Variants in PITPNA observed in about 807,000 individuals in gnomAD.
The protein encoded by PITPNA is phosphatidylinositol transfer protein alpha isoform.
PITPNA carries 13 observed loss-of-function variants against 50.3 expected under a neutral mutation model. The observed-to-expected ratio is 0.26, with a 90% CI of 0.17 to 0.41. The LOEUF (loss-of-function observed/expected upper bound fraction) is 0.41. PITPNA is among the 10% of genes least tolerant of loss of function. PITPNA has a pLI of 1.00. For missense variants in PITPNA, 207 were observed against 333.4 expected (o/e 0.62, Z 2.95); for synonymous variants, 120 against 119.6 (o/e 1.00, Z -0.02).
intron 10 of PITPNA, among the ~76,000 whole-genome samples, chr17:1,533,855 C>A (rs190508554): frequency 6.6e-6 from 1 of 152,286 alleles, no homozygotes; most frequent in African/African-American, 2.4e-5. Flanking sequence ...ACTTGGCATT[C>A]GGCACATACT....
At position 1,520,001 on chromosome 17, in the gene PITPNA, C is replaced by A. The variant is rs370975169; in HGVS notation, c.*560G>T. The A allele has an allele frequency of 2.0e-5, 3 of 152,190 alleles. No homozygotes were observed. Among genetic ancestry groups the A allele is most frequent in the East Asian group, 3.8e-4 (2 of 5,198 alleles). 9.4% of individuals were successfully genotyped at this position (152,190 alleles called of 1,614,324 possible). On this transcript the variant is annotated 3_prime_UTR_variant, in exon 12 of 12. Coordinates refer to ENST00000313486, the MANE Select transcript of PITPNA (RefSeq NM_006224.4). ...GCTAGAGTGCCCTAACGATGGGTTA[C>A]TGGGAGCAGAAGTCAGAGCTGCAAA...
Position 1,517,751 on chromosome 17 carries a change from G to C in PITPNA, c.*2810C>G, listed in dbSNP as rs2075472384. 6.6e-6 allele frequency: 1 copy of C among 152,156 alleles called. No individual in the cohort carries two copies. Among genetic ancestry groups the C allele is most frequent in the Non-Finnish European group, 1.5e-5 (1 of 68,040 alleles). The allele number at this position is 152,156 out of a possible 1,614,324, so 9.4% of individuals were successfully genotyped here. Reference sequence around the variant, plus strand: ...AAGAGGAAGATGTGAAGAGGAGGCAGACAAAAGCAAAAGGACATCCTGTCA... The same window carrying C: ...AAGAGGAAGATGTGAAGAGGAGGCACACAAAAGCAAAAGGACATCCTGTCA... On this transcript the variant is annotated 3_prime_UTR_variant, in exon 12 of 12. Coordinates refer to ENST00000313486, the MANE Select transcript of PITPNA (RefSeq NM_006224.4).
intron 4 of PITPNA, among the ~76,000 whole-genome samples, chr17:1,547,018 C>T (rs1191547559): frequency 1.3e-5 from 2 of 152,034 alleles, no homozygotes; most frequent in Admixed American, 6.6e-5. Context: ...AAACAAAACA[C>T]CAGACACCTT....
At position 1,562,531 on chromosome 17, in the gene PITPNA, G is replaced by A. The variant is rs1270663628; in HGVS notation, c.20+10C>T. ...TCCTCCCCGCTTCCGCACGGCCGCC[G>A]GACACTCACTACTCCTTGAGCAGCA... On this transcript the variant is annotated intron_variant, in intron 1 of 11. Transcript: ENST00000313486. This position sits in a 1 kb window ranked among gnomAD's most constrained non-coding sequence, Gnocchi z 6.4. 3.5e-6 allele frequency: 5 copies of A among 1,416,042 alleles called. No homozygotes were observed. The highest frequency in any genetic ancestry group is 3.1e-5 in the East Asian group (1 of 32,188). The allele number at this position is 1,416,042 out of a possible 1,614,324, so 87.7% of individuals were successfully genotyped here. A position where few individuals can be genotyped will look rare whatever the true frequency, so the allele number is the denominator to read the frequency against.
chr17:1,551,121 G>A (rs563095796), intron 3 of PITPNA, among the ~76,000 whole-genome samples: 27 of 151,982 alleles, frequency 1.8e-4, no homozygotes, highest in African/African-American at 6.3e-4. Context: ...GTTGCGGGGC[G>A]GAGTCAGCGG....
Position 1,553,129 on chromosome 17 carries a change from A to G in PITPNA, c.72T>C (p.Tyr24=). The stretch of plus-strand genomic sequence containing the variant: ...CATTTTTACTGGCCTCAGCCACAGA[A>G]TACAGCTGCCCCACTTGATACTAAA... ...SVDEYQVGQL[Y]SVAEASKNET... Residue 24 remains tyrosine (Y), a synonymous_variant, in exon 3 of 12, where the codon TAT becomes TAC. Transcript: ENST00000313486. 1.2e-6 allele frequency: 2 copies of G among 1,613,956 alleles called. No homozygotes were observed. Among genetic ancestry groups the G allele is most frequent in the East Asian group, 4.5e-5 (2 of 44,886 alleles).
chr17:1,535,686 C>T (rs766269328), intron 7 of PITPNA, 168 bp from the exon 8 acceptor site: 17 of 625,340 alleles, frequency 2.7e-5, no homozygotes, highest in Non-Finnish European at 4.0e-5. Context: ...TTACATTAGC[C>T]TCAGAGGAGA....
chr17:1,522,969 G>T (rs139659510), intron 10 of PITPNA, among the ~76,000 whole-genome samples: 13 of 152,322 alleles, frequency 8.5e-5, no homozygotes, highest in African/African-American at 2.9e-4. Flanking sequence ...CAGAGTAACA[G>T]AACTTCCCTT....
chr17:1,521,537 T>A, intron 11 of PITPNA, 42 bp downstream of exon 11: 2 of 1,421,088 alleles, frequency 1.4e-6, no homozygotes, highest in South Asian at 2.3e-5. Flanking sequence ...CCAAACTGAT[T>A]TTAGCGTCTG....
intron 1 of PITPNA, chr17:1,559,816 T>C: frequency 1.0e-6 from 1 of 978,526 alleles, no homozygotes; most frequent in Non-Finnish European, 1.2e-6. Context: ...TCCAAGTCTT[T>C]ACTGCCTGCT....
At chr17:1,545,647 C>G (rs1008369698) in intron 4 of PITPNA, among the ~76,000 whole-genome samples, 1 of 152,148 alleles carries the variant, frequency 6.6e-6, no homozygotes, top group Non-Finnish European at 1.5e-5. Context: ...GGTGCTGATA[C>G]AGAAATTATG....
intron 2 of PITPNA, among the ~76,000 whole-genome samples, chr17:1,553,597 A>G (rs1390387070): frequency 6.6e-6 from 1 of 152,136 alleles, no homozygotes; most frequent in Admixed American, 6.6e-5. Flanking sequence ...ACCACCACGC[A>G]GAAAACAGAT....
chr17:1,535,281 T>C lies in PITPNA; in HGVS notation c.546A>G (p.Val182=). The C allele has an allele frequency of 6.2e-7, 1 of 1,612,708 alleles. No homozygotes were observed. Among genetic ancestry groups the C allele is most frequent in the Admixed American group, 1.7e-5 (1 of 60,024 alleles). The part of the protein sequence containing the change: ...PLGPNWKQEL[V]NQKDCPYMCA... ...ACATATATGGGCAGTCCTTCTGGTT[T>C]ACAAGCTCTTGCTGCATTAGAAACA... Residue 182 remains valine, a synonymous_variant, in exon 9 of 12, where the codon GTA becomes GTG. Transcript: ENST00000313486.
At chr17:1,533,855 C>T (rs190508554) in intron 10 of PITPNA, among the ~76,000 whole-genome samples, 13 of 152,286 alleles carry the variant, frequency 8.5e-5, no homozygotes, top group African/African-American at 1.9e-4. Context: ...ACTTGGCATT[C>T]GGCACATACT....
At chr17:1,550,282 C>T (rs916456930) in intron 3 of PITPNA, among the ~76,000 whole-genome samples, 6 of 152,156 alleles carry the variant, frequency 3.9e-5, no homozygotes, top group Non-Finnish European at 7.3e-5. Context: ...TGCCATAATG[C>T]GGTGGGCACA....
chr17:1,528,473 A>G (rs1598404141), intron 10 of PITPNA, among the ~76,000 whole-genome samples: 2 of 152,316 alleles, frequency 1.3e-5, no homozygotes, highest in East Asian at 1.9e-4. Context: ...AGGGCCAGGT[A>G]TAGTGGCTCA....
rs1160125141 is a variant in PITPNA, at chr17:1,519,239, G to A, written c.*1322C>T. 7 of 152,308 alleles carry A rather than the reference G, an allele frequency of 4.6e-5. No homozygotes were observed. Among genetic ancestry groups the A allele is most frequent in the Admixed American group, 1.3e-4 (2 of 15,272 alleles). 9.4% of individuals were successfully genotyped at this position (152,308 alleles called of 1,614,324 possible). A position where few individuals can be genotyped will look rare whatever the true frequency, so the allele number is the denominator to read the frequency against. ...CCAGGCTAGTGTGGGCTGGGATCACGGCACACTTAGGCCAACGTGCTTCAC... is the reference window on the plus strand; with the variant it reads ...CCAGGCTAGTGTGGGCTGGGATCACAGCACACTTAGGCCAACGTGCTTCAC... On this transcript the variant is annotated 3_prime_UTR_variant, in exon 12 of 12. Transcript: ENST00000313486.
chr17:1,525,292 A>C (rs1005277869), intron 10 of PITPNA, among the ~76,000 whole-genome samples: 11 of 151,934 alleles, frequency 7.2e-5, no homozygotes, highest in African/African-American at 2.7e-4. Context: ...CCGGCCAATA[A>C]AAAATTATTT....
intron 10 of PITPNA, among the ~76,000 whole-genome samples, chr17:1,532,526 C>T (rs191902328): frequency 2.0e-4 from 31 of 152,276 alleles, no homozygotes; most frequent in Non-Finnish European, 4.0e-4. Context: ...GAGTTCTACC[C>T]GAAGGAATGA....
Sources: gnomAD v4.1 joint callset for allele counts (sites outside exome capture counted in the v4.1 genomes callset) on GRCh38, gnomAD v4.1.1 for gene constraint, Gnocchi (gnomAD v3.1) non-coding constraint, MANE v1.5 for transcripts, NCBI Gene and HGNC (gene_info 2026-07-23, HGNC 2026-07-21) for gene names.